NEMP2: variants seen among roughly 807,000 people sequenced by gnomAD.
NEMP2 encodes the protein nuclear envelope integral membrane protein 2, also known as UPF0571 transmembrane protein.
A neutral mutation model predicts 54.2 loss-of-function variants in NEMP2; 53 were observed. The ratio of observed to expected loss-of-function variants is 0.98; its 90% CI spans 0.78 to 1.23. The LOEUF (loss-of-function observed/expected upper bound fraction) is 1.23, where lower values mean the gene tolerates loss of function less well. NEMP2 is among the 50% of genes most tolerant of loss of function. The pLI, the probability that NEMP2 is intolerant of heterozygous loss-of-function variation, is 0.00. For missense variants in NEMP2, 455 were observed against 511.3 expected (o/e 0.89, Z 1.06); for synonymous variants, 197 against 190.3 (o/e 1.04, Z -0.29).
downstream of NEMP2, chr2:190,501,712 T>C (rs899460848): frequency 6.6e-6 from 1 of 152,586 alleles, no homozygotes; most frequent in Non-Finnish European, 1.5e-5. Context: ...ATTCTACACT[T>C]GGATGTCTCG....
the NEMP2 span, among the ~76,000 whole-genome samples, chr2:190,590,232 C>A: frequency 6.6e-6 from 1 of 152,230 alleles, no homozygotes; most frequent in Non-Finnish European, 1.5e-5. This position sits in a 1 kb window ranked among gnomAD's most constrained non-coding sequence, Gnocchi z 5.1. Flanking sequence ...CCTCTCACGA[C>A]AGTCCATGGG....
chr2:190,520,103 G>A lies in NEMP2; in HGVS notation c.214-920C>T, dbSNP rs1193705450. ...TGACTTGCTTTATGGGGTATTTATT[G>A]AAGTGTTCTGGAACCAAACCCACAG... is the stretch of plus-strand genomic sequence containing the variant. On this transcript the variant is annotated intron_variant, in intron 2 of 8. Coordinates refer to ENST00000409150, the MANE Select transcript of NEMP2 (RefSeq NM_001142645.2). The surrounding 1 kb of genome is among the most constrained non-coding windows in gnomAD (Gnocchi z 5.4). 1.3e-5 allele frequency among the ~76,000 whole-genome samples: 2 copies of A among 152,088 alleles called. No individual in the cohort carries two copies. Among genetic ancestry groups the A allele is most frequent in the Non-Finnish European group, 2.9e-5 (2 of 68,026 alleles).
At chr2:190,436,248 CT>C in the NEMP2 span, 1 of 1,613,952 alleles carries the variant, frequency 6.2e-7, no homozygotes, top group Non-Finnish European at 8.5e-7. This position sits in a 1 kb window ranked among gnomAD's most constrained non-coding sequence, Gnocchi z 5.3. Flanking sequence ...TTTCCAAGGT[CT>C]TTTATTTTTT....
At chr2:190,534,930 T>TGGCCTC (rs1184222013), upstream of NEMP2, 2 of 310,998 alleles carry the variant, frequency 6.4e-6, no homozygotes, top group Non-Finnish European at 1.2e-5. Context: ...GCCTCGGCCT[T>TGGCCTC]GGCCTCCGGG....
rs1434376590 is a variant in NEMP2 at position 190,505,154 on chromosome 2, T to C, written c.*4035A>G. 5.3e-5 allele frequency: 8 copies of C among 152,160 alleles called. No homozygotes were observed. The allele number at this position is 152,160 out of a possible 1,614,324, so 9.4% of individuals were successfully genotyped here. ...TATAACATCAGCAGATGTAGTCACCTCTTGAATGCCTTATCCATGGGGTCA... is the reference window on the plus strand; with the variant it reads ...TATAACATCAGCAGATGTAGTCACCCCTTGAATGCCTTATCCATGGGGTCA... On this transcript the variant is annotated 3_prime_UTR_variant, in exon 9 of 9. Transcript: ENST00000409150. The surrounding 1 kb of genome is among the most constrained non-coding windows in gnomAD (Gnocchi z 5.8).
the NEMP2 span, among the ~76,000 whole-genome samples, chr2:190,430,180 C>A: frequency 1.3e-5 from 2 of 151,040 alleles, no homozygotes; most frequent in East Asian, 3.9e-4. Context: ...ATGAACGCAT[C>A]CTTTTTATGG....
chr2:190,492,036 G>GA, the NEMP2 span, among the ~76,000 whole-genome samples: 1 of 152,160 alleles, frequency 6.6e-6, no homozygotes, highest in South Asian at 2.1e-4. This position sits in a 1 kb window ranked among gnomAD's most constrained non-coding sequence, Gnocchi z 5.2. Context: ...CTCAGCAACA[G>GA]AATCGAAGAA....
At chr2:190,452,212 G>A in the NEMP2 span, among the ~76,000 whole-genome samples, 2 of 151,882 alleles carry the variant, frequency 1.3e-5, no homozygotes, top group Admixed American at 1.3e-4. Context: ...CCGAGATTGC[G>A]CCACTGCACT....
the NEMP2 span, among the ~76,000 whole-genome samples, chr2:190,455,286 T>C: frequency 6.8e-6 from 1 of 147,948 alleles, no homozygotes; most frequent in Non-Finnish European, 1.5e-5. Flanking sequence ...GCTCTATTAA[T>C]TAAATTTTAT....
the NEMP2 span, among the ~76,000 whole-genome samples, chr2:190,563,289 G>A: frequency 1.3e-5 from 2 of 151,932 alleles, no homozygotes; most frequent in Non-Finnish European, 2.9e-5. This position sits in a 1 kb window ranked among gnomAD's most constrained non-coding sequence, Gnocchi z 4.3. Flanking sequence ...CCAGTGACCC[G>A]GCACCCACTC....
Position 190,529,569 on chromosome 2 carries a change from A to G in NEMP2, c.98-4191T>C, listed in dbSNP as rs1222822996. On this transcript the variant is annotated intron_variant, in intron 1 of 8. Coordinates refer to ENST00000409150, the MANE Select transcript of NEMP2 (RefSeq NM_001142645.2). This position sits in a 1 kb window ranked among gnomAD's most constrained non-coding sequence, Gnocchi z 4.7. Reference sequence around the variant, plus strand: ...TCCACCTGCTTTATTCTTTCTTCATATTACATATATATTTATTAGCTTATA... The same window carrying G: ...TCCACCTGCTTTATTCTTTCTTCATGTTACATATATATTTATTAGCTTATA... Among the ~76,000 whole-genome samples, 1 of 152,166 alleles carries G rather than the reference A, an allele frequency of 6.6e-6. No individual in the cohort carries two copies. Among genetic ancestry groups the G allele is most frequent in the Non-Finnish European group, 1.5e-5 (1 of 68,044 alleles).
At position 190,530,017 on chromosome 2, in the gene NEMP2, G is replaced by A. The variant is rs1300929982; in HGVS notation, c.97+4542C>T. 6.6e-6 allele frequency among the ~76,000 whole-genome samples: 1 copy of A among 152,144 alleles called. No individual in the cohort carries two copies. Among genetic ancestry groups the A allele is most frequent in the East Asian group, 1.9e-4 (1 of 5,198 alleles). ...GGGGATCATCTTCTTGCCCCTCACT[G>A]GATAGAGGAGGTCAGAAAGAATAGG... On this transcript the variant is annotated intron_variant, in intron 1 of 8. Transcript: ENST00000409150. This position sits in a 1 kb window ranked among gnomAD's most constrained non-coding sequence, Gnocchi z 4.6.
rs1170759491 is a variant in NEMP2 at position 190,509,208 on chromosome 2, A to G, written c.1235T>C (p.Phe412Ser). The change falls in exon 9 of 9, where the codon TTT (phenylalanine) becomes TCT (serine). Residue 412 changes from phenylalanine to serine, a missense_variant. Transcript: ENST00000409150. This position sits in a 1 kb window ranked among gnomAD's most constrained non-coding sequence, Gnocchi z 6.1. ...LGGAFLEEQL[F>S]NPSTA ...CGCATGTCAGGCAGTACTCGGGTTA[A>G]AGAGCTGCTCTTCCAAGAAGGCACC... 8 of 1,551,604 alleles carry G rather than the reference A, an allele frequency of 5.2e-6. No individual in the cohort carries two copies. The highest frequency in any genetic ancestry group is 4.1e-5 in the African/African-American group (3 of 73,026).
the NEMP2 span, among the ~76,000 whole-genome samples, chr2:190,645,862 A>C: frequency 6.6e-6 from 1 of 152,250 alleles, no homozygotes; most frequent in African/African-American, 2.4e-5. Flanking sequence ...AAAGACAATC[A>C]AAACTATAAA....
At chr2:190,578,694 T>G in the NEMP2 span, among the ~76,000 whole-genome samples, 1 of 151,680 alleles carries the variant, frequency 6.6e-6, no homozygotes, top group Admixed American at 6.6e-5. The surrounding 1 kb of genome is among the most constrained non-coding windows in gnomAD (Gnocchi z 4.4). Context: ...CATGTGTGTG[T>G]GCAGAATGTG....
the NEMP2 span, among the ~76,000 whole-genome samples, chr2:190,618,246 T>C: frequency 2.6e-5 from 4 of 152,152 alleles, no homozygotes; most frequent in South Asian, 8.3e-4. Flanking sequence ...ACAAATCAAG[T>C]CTTATCTTCC....
rs1690143848 is a variant in NEMP2, at chr2:190,504,589, TGA to T, written c.*4598_*4599del. 6.6e-6 allele frequency: 1 copy of T among 152,210 alleles called. No homozygotes were observed. Among genetic ancestry groups the T allele is most frequent in the South Asian group, 2.1e-4 (1 of 4,832 alleles). The allele number at this position is 152,210 out of a possible 1,614,324, so 9.4% of individuals were successfully genotyped here. On this transcript the variant is annotated 3_prime_UTR_variant, in exon 9 of 9. Transcript: ENST00000409150. The surrounding 1 kb of genome is among the most constrained non-coding windows in gnomAD (Gnocchi z 5.6). ...AATTCCATAAAGTGCAAAAGTCTGC[TGA>T]GAGAGGTTATAAGTTTCATAATTTT... is the stretch of plus-strand genomic sequence containing the variant.
the NEMP2 span, among the ~76,000 whole-genome samples, chr2:190,453,210 G>C: frequency 2.6e-5 from 4 of 152,016 alleles, no homozygotes; most frequent in Non-Finnish European, 5.9e-5. Flanking sequence ...ATGAAGGAGA[G>C]GAGTTATATT....
intron 7 of NEMP2, among the ~76,000 whole-genome samples, chr2:190,511,947 A>G (rs1470298120): frequency 6.7e-6 from 1 of 150,266 alleles, no homozygotes; most frequent in Non-Finnish European, 1.5e-5. Context: ...TGAGCATCAG[A>G]ATTATTAGGA....
Sources: gnomAD v4.1 joint callset for allele counts (sites outside exome capture counted in the v4.1 genomes callset) on GRCh38, gnomAD v4.1.1 for gene constraint, Gnocchi (gnomAD v3.1) non-coding constraint, MANE v1.5 for transcripts, NCBI Gene and HGNC (gene_info 2026-07-23, HGNC 2026-07-21) for gene names.